Variants in VEGFD observed in about 807,000 individuals in gnomAD.
VEGFD encodes c-fos induced growth factor (vascular endothelial growth factor D).
Under a neutral mutation model 28.0 loss-of-function variants are expected in VEGFD, and 26 were observed. The observed-to-expected ratio is 0.93, with a 90% confidence interval of 0.68 to 1.29. The LOEUF is 1.29. Among genes scored for constraint, VEGFD ranks in the 50% most tolerant of loss-of-function variants. The pLI is 0.00. For missense variants in VEGFD, 294 were observed against 273.4 expected, an observed-to-expected ratio of 1.08 and a Z score of -0.53; for synonymous variants, 93 against 95.5, an observed-to-expected ratio of 0.97 and a Z score of 0.15.
At chrX:15,350,243 C>T (rs1161988284) in intron 5 of VEGFD, among the ~76,000 whole-genome samples, 1 of 111,399 alleles carries the variant, frequency 9.0e-6, no homozygotes, top group African/African-American at 3.3e-5. Flanking sequence ...CATTATATCC[C>T]CACCATGCTG....
intron 1 of VEGFD, among the ~76,000 whole-genome samples, chrX:15,370,807 T>C (rs1923288176): frequency 1.8e-5 from 2 of 110,517 alleles, no homozygotes; most frequent in Non-Finnish European, 3.8e-5. Flanking sequence ...CTTTTTTTTT[T>C]GGCTGAGTAC....
intron 1 of VEGFD, among the ~76,000 whole-genome samples, chrX:15,375,226 T>C (rs1320255608): frequency 8.9e-6 from 1 of 112,418 alleles, no homozygotes; most frequent in East Asian, 2.8e-4. Flanking sequence ...CATCTCCTTT[T>C]TAAAATGGTT....
At position 15,346,168 on chromosome X, in the gene VEGFD, C is replaced by A; in HGVS notation, c.1030G>T (p.Ala344Ser). The change falls in exon 7 of 7, where the codon GCT (alanine) becomes TCT (serine). Residue 344 changes from alanine to serine, a missense_variant. Coordinates refer to ENST00000297904, the MANE Select transcript of VEGFD (RefSeq NM_004469.5). ...TTTCGGCTGTGGGGCCCCTGGGCAG[C>A]CCTTTTCTCCTTTGGAAAGCGGCAA... ...KHCRFPKEKR[A>S]AQGPHSRKNP is the part of the protein sequence containing the mutation. 1 of 1,211,459 alleles carries A rather than the reference C, an allele frequency of 8.3e-7. No individual in the cohort carries two copies. Among genetic ancestry groups the A allele is most frequent in the Non-Finnish European group, 1.1e-6 (1 of 895,314 alleles).
At position 15,351,229 on chromosome X, in the gene VEGFD, C is replaced by T. The variant is rs753619479; in HGVS notation, c.742+1839G>A. ...CTCCCGGGTTCACGCCATTCTCCTG[C>T]CTCAGCCTCCCAAGTAGCTGGGACT... On this transcript the variant is annotated intron_variant, in intron 5 of 6. Transcript: ENST00000297904. Among the ~76,000 whole-genome samples the T allele has an allele frequency of 5.7e-3, 572 of 100,617 alleles. 6 individuals are homozygous for T. The highest frequency in any genetic ancestry group is 1.0e-2 in the Non-Finnish European group (492 of 49,371). The allele number at this position is 100,617 out of a possible 115,157, so 87.4% of individuals were successfully genotyped here.
intron 1 of VEGFD, among the ~76,000 whole-genome samples, chrX:15,368,061 G>GGAAAGAAA (rs376031506): frequency 5.3e-4 from 39 of 73,712 alleles, no homozygotes; most frequent in African/African-American, 1.9e-3. Context: ...AAGAAAGAAA[G>GGAAAGAAA]GAAAGAAAGA....
chrX:15,347,768 G>A (rs373978767), intron 5 of VEGFD, among the ~76,000 whole-genome samples: 1 of 111,762 alleles, frequency 8.9e-6, no homozygotes, highest in East Asian at 2.8e-4. Context: ...AATTGGTGTT[G>A]TAGAAATACA....
chrX:15,353,185 A>G lies in VEGFD; in HGVS notation c.642-17T>C. ...TGGGAACAGCTAGGAAAAGAAAACA[A>G]TGAACCAGATTTAAAAGCTTTCAAG... On this transcript the variant is annotated splice_polypyrimidine_tract_variant and intron_variant, in intron 4 of 6. Transcript: ENST00000297904. The G allele has an allele frequency of 1.0e-6, 1 of 968,473 alleles. No individual in the cohort carries two copies. Among genetic ancestry groups the G allele is most frequent in the Non-Finnish European group, 1.4e-6 (1 of 697,850 alleles). The allele number at this position is 968,473 out of a possible 1,213,427, so 79.8% of individuals were successfully genotyped here.
chrX:15,350,785 C>T (rs866711028), intron 5 of VEGFD, among the ~76,000 whole-genome samples: 264 of 70,462 alleles, frequency 3.7e-3, no homozygotes, highest in African/African-American at 0.013. Context: ...TTCTTTCTCT[C>T]TCTTTCTTTT....
chrX:15,372,758 A>C (rs1923343888), intron 1 of VEGFD, among the ~76,000 whole-genome samples: 1 of 112,217 alleles, frequency 8.9e-6, no homozygotes, highest in Admixed American at 9.5e-5. Flanking sequence ...ACTAGTCTTC[A>C]AACAGTCGAT....
At chrX:15,349,161 T>C (rs1213130186) in intron 5 of VEGFD, among the ~76,000 whole-genome samples, 1 of 112,411 alleles carries the variant, frequency 8.9e-6, no homozygotes, top group East Asian at 2.8e-4. Flanking sequence ...CGCTTTGGGG[T>C]AAGACAAGAG....
At chrX:15,380,909 T>C (rs559251186) in intron 1 of VEGFD, among the ~76,000 whole-genome samples, 19 of 112,596 alleles carry the variant, frequency 1.7e-4, no homozygotes, top group African/African-American at 6.1e-4. Context: ...CTGAGCTGTA[T>C]TAAAAAGCTG....
chrX:15,378,780 T>C (rs774443166), intron 1 of VEGFD, among the ~76,000 whole-genome samples: 2 of 111,912 alleles, frequency 1.8e-5, no homozygotes, highest in African/African-American at 6.5e-5. Context: ...TTTTACATTT[T>C]CCAATGGTTG....
chrX:15,357,864 C>T, intron 3 of VEGFD, 139 bp downstream of exon 3: 1 of 533,069 alleles, frequency 1.9e-6, no homozygotes, highest in East Asian at 3.5e-5. Flanking sequence ...ATAAAATACC[C>T]TCTTGATTTG....
intron 1 of VEGFD, 131 bp downstream of exon 1, chrX:15,383,726 A>G (rs910802293): frequency 4.0e-5 from 19 of 473,737 alleles, no homozygotes; most frequent in African/African-American, 3.9e-4. Flanking sequence ...AATGCAGGAT[A>G]TATCCTGTCC....
In VEGFD at chrX:15,353,624, C is replaced by T. The variant is rs779720031; in HGVS notation, c.642-456G>A. 2.7e-5 allele frequency among the ~76,000 whole-genome samples: 3 copies of T among 111,104 alleles called. No homozygotes were observed. The South Asian group carries it at 1.2e-3, about 43-fold the overall frequency. ...GCGTGGCGGCACATGCCTGTAATCC[C>T]AGCTACTTGGAAGGCTGAGGCAGGA... On this transcript the variant is annotated intron_variant, in intron 4 of 6. Coordinates refer to ENST00000297904, the MANE Select transcript of VEGFD (RefSeq NM_004469.5).
At chrX:15,363,602 C>T (rs997732343) in intron 1 of VEGFD, among the ~76,000 whole-genome samples, 6 of 112,056 alleles carry the variant, frequency 5.4e-5, no homozygotes, top group African/African-American at 1.9e-4. Context: ...ATGATATGTC[C>T]ACATCCTAAC....
At chrX:15,346,980 T>C (rs757926245) in intron 6 of VEGFD, among the ~76,000 whole-genome samples, 184 bp downstream of exon 6, 4 of 111,756 alleles carry the variant, frequency 3.6e-5, no homozygotes, top group African/African-American at 6.5e-5. Flanking sequence ...ATTTTCTTAT[T>C]TTCATGATTA....
chrX:15,372,688 T>C (rs761257230), intron 1 of VEGFD, among the ~76,000 whole-genome samples: 1 of 111,660 alleles, frequency 9.0e-6, no homozygotes, highest in Non-Finnish European at 1.9e-5. Flanking sequence ...ATTTAGGGCA[T>C]GAGAAATGCT....
Position 15,375,009 on chromosome X carries a change from C to T in VEGFD, c.90+8848G>A, listed in dbSNP as rs6632499. Among the ~76,000 whole-genome samples the T allele has an allele frequency of 1.1e-4, 12 of 111,402 alleles. No homozygotes were observed. In the East Asian group the frequency reaches 2.5e-3, roughly 24 times the overall value. On this transcript the variant is annotated intron_variant, in intron 1 of 6. Coordinates refer to ENST00000297904, the MANE Select transcript of VEGFD (RefSeq NM_004469.5). ...TCTTTCCTTTCTTTCCTGCCTCTTT[C>T]CTTTCTTTCCACACTTAGGTGTGTC...
Sources: gnomAD v4.1 joint callset for allele counts (sites outside exome capture counted in the v4.1 genomes callset) on GRCh38, gnomAD v4.1.1 for gene constraint, MANE v1.5 for transcripts, NCBI Gene and HGNC (gene_info 2026-07-23, HGNC 2026-07-21) for gene names.